Variants in PIK3C2G observed in about 807,000 individuals in gnomAD.
The protein encoded by PIK3C2G is phosphatidylinositol 3-kinase C2 domain-containing subunit gamma.
In PIK3C2G, 168 loss-of-function variants were observed where a neutral mutation model predicts 181.1. The observed-to-expected ratio is 0.93, with a 90% CI of 0.82 to 1.05. The LOEUF is 1.05. PIK3C2G is among the 50% of genes least tolerant of loss of function. The probability of loss-of-function intolerance (pLI) is 0.00; values close to 1 mark genes in which losing one functional copy is unlikely to be tolerated. For synonymous variants in PIK3C2G, 573 were observed against 592.2 expected, an observed-to-expected ratio of 0.97 and a Z score of 0.47; for missense variants, 1,869 against 1,732.8, an observed-to-expected ratio of 1.08 and a Z score of -1.40.
At chr12:18,487,264 A>G (rs1940144867) in intron 18 of PIK3C2G, among the ~76,000 whole-genome samples, 1 of 152,082 alleles carries the variant, frequency 6.6e-6, no homozygotes. Flanking sequence ...CCTTACCTTA[A>G]AAAACTGCAA....
At chr12:18,677,442 T>C in the PIK3C2G span, among the ~76,000 whole-genome samples, 150 of 152,188 alleles carry the variant, frequency 9.9e-4, no homozygotes, top group African/African-American at 3.6e-3. Flanking sequence ...CTGAATCACA[T>C]AGAGGGCTGG....
the PIK3C2G span, among the ~76,000 whole-genome samples, chr12:18,722,028 G>A: frequency 6.6e-6 from 1 of 151,944 alleles, no homozygotes; most frequent in Admixed American, 6.6e-5. Context: ...CAGTCCTCCT[G>A]TTCCTTCAGT....
chr12:18,466,126 ATTTAT>A (rs974536278), intron 18 of PIK3C2G, among the ~76,000 whole-genome samples: 29 of 151,838 alleles, frequency 1.9e-4, no homozygotes, highest in African/African-American at 6.5e-4. Flanking sequence ...ATAGTTCTAA[ATTTAT>A]TTTAATTATG....
At chr12:18,265,322 A>T (rs1451393021) in intron 1 of PIK3C2G, among the ~76,000 whole-genome samples, 1 of 152,220 alleles carries the variant, frequency 6.6e-6, no homozygotes, top group Non-Finnish European at 1.5e-5. Flanking sequence ...TAAATACAAA[A>T]TTAAATGCAA....
At chr12:18,692,384 A>G in the PIK3C2G span, among the ~76,000 whole-genome samples, 1 of 152,220 alleles carries the variant, frequency 6.6e-6, no homozygotes, top group African/African-American at 2.4e-5. Context: ...GAGGTTTTTC[A>G]AAAGATTTAA....
chr12:18,382,875 G>A (rs1043792914), intron 14 of PIK3C2G, among the ~76,000 whole-genome samples: 39 of 152,046 alleles, frequency 2.6e-4, no homozygotes, highest in Middle Eastern at 3.2e-3. Flanking sequence ...AGAAAGATGC[G>A]CAGAAAAATA....
At chr12:18,568,623 C>T (rs926356229) in intron 29 of PIK3C2G, among the ~76,000 whole-genome samples, 8 of 151,984 alleles carry the variant, frequency 5.3e-5, no homozygotes, top group African/African-American at 1.9e-4. Context: ...GAGGCCTACC[C>T]ATATTATGAA....
the PIK3C2G span, among the ~76,000 whole-genome samples, chr12:18,660,168 G>A: frequency 6.6e-6 from 1 of 152,042 alleles, no homozygotes; most frequent in Non-Finnish European, 1.5e-5. Context: ...GTAAATTTCA[G>A]TACATTTAGG....
chr12:18,515,812 T>A (rs1942499427), intron 24 of PIK3C2G, among the ~76,000 whole-genome samples: 1 of 151,984 alleles, frequency 6.6e-6, no homozygotes, highest in Non-Finnish European at 1.5e-5. Flanking sequence ...GGTTGTTTTT[T>A]AAATATCTTT....
At chr12:18,673,949 G>T in the PIK3C2G span, among the ~76,000 whole-genome samples, 1 of 152,174 alleles carries the variant, frequency 6.6e-6, no homozygotes, top group Non-Finnish European at 1.5e-5. Flanking sequence ...CAAGATGGAA[G>T]TCACAATCAG....
At position 18,503,287 on chromosome 12, in the gene PIK3C2G, T is replaced by A. The variant is rs1400911570; in HGVS notation, c.3023T>A (p.Val1008Glu). The A allele has an allele frequency of 6.2e-7, 1 of 1,605,964 alleles. No homozygotes were observed. Among genetic ancestry groups the A allele is most frequent in the African/African-American group, 1.3e-5 (1 of 74,488 alleles). Residue 1008 changes from valine (V) to glutamate (E), a missense_variant, in exon 23 of 33, where the codon GTG (valine) becomes GAG (glutamate). Val to Glu is a moderately radical substitution (Grantham distance 121). Transcript: ENST00000538779. ...CLSTGKDQGL[V>E]QMVPDAVTLA... is the part of the protein sequence containing the mutation. ...TCTTTTTTTTCTCTACCAGGATTGG[T>A]GCAGATGGTACCTGATGCTGTGACC...
intron 1 of PIK3C2G, among the ~76,000 whole-genome samples, chr12:18,269,907 CTTTTCT>C (rs1378224038): frequency 1.7e-5 from 2 of 118,414 alleles, no homozygotes; most frequent in Non-Finnish European, 3.9e-5. Context: ...CTTTTTTTTT[CTTTTCT>C]TTTTTTTTTT....
chr12:18,687,441 A>T, the PIK3C2G span, among the ~76,000 whole-genome samples: 2 of 152,134 alleles, frequency 1.3e-5, no homozygotes, highest in Non-Finnish European at 2.9e-5. Flanking sequence ...ACCAGGGATC[A>T]ATCCCAGGAA....
chr12:18,667,881 T>C, the PIK3C2G span, among the ~76,000 whole-genome samples: 1 of 152,282 alleles, frequency 6.6e-6, no homozygotes, highest in East Asian at 1.9e-4. Context: ...CTGCCCATGG[T>C]TCTAGAAGAT....
the PIK3C2G span, among the ~76,000 whole-genome samples, chr12:18,708,058 T>C: frequency 6.6e-6 from 1 of 152,224 alleles, no homozygotes; most frequent in African/African-American, 2.4e-5. Context: ...GAATACCATA[T>C]ACAGTATAAC....
the PIK3C2G span, among the ~76,000 whole-genome samples, chr12:18,710,825 C>T: frequency 1.3e-5 from 2 of 152,086 alleles, no homozygotes; most frequent in African/African-American, 4.8e-5. Flanking sequence ...AAATCAAAAC[C>T]ACAATGAGAT....
chr12:18,561,175 A>G (rs977514799), intron 26 of PIK3C2G, among the ~76,000 whole-genome samples: 4 of 152,244 alleles, frequency 2.6e-5, no homozygotes, highest in Non-Finnish European at 5.9e-5. Context: ...ATGTGGGCAC[A>G]AAGACTGGTA....
intron 29 of PIK3C2G, among the ~76,000 whole-genome samples, chr12:18,575,275 A>G (rs1946176385): frequency 6.6e-6 from 1 of 152,166 alleles, no homozygotes; most frequent in African/African-American, 2.4e-5. Context: ...TGATATAAGA[A>G]TGTTAAATAT....
the PIK3C2G span, among the ~76,000 whole-genome samples, chr12:18,662,145 G>C: frequency 2.0e-5 from 3 of 152,112 alleles, no homozygotes; most frequent in South Asian, 4.2e-4. Context: ...GTGCAAGGAG[G>C]GTGAAGATTG....
Sources: allele counts gnomAD v4.1 joint callset (sites outside exome capture counted in the v4.1 genomes callset), GRCh38; gene constraint gnomAD v4.1.1; transcripts MANE v1.5; gene names NCBI Gene and HGNC (gene_info 2026-07-23, HGNC 2026-07-21).